GALNT18: variants seen among roughly 807,000 people sequenced by gnomAD.
The protein encoded by GALNT18 is polypeptide N-acetylgalactosaminyltransferase 18.
A neutral mutation model predicts 69.5 loss-of-function variants in GALNT18; 44 were observed. That is an observed-to-expected ratio of 0.63 (90% CI 0.50 to 0.81). The LOEUF (loss-of-function observed/expected upper bound fraction) is 0.81, where lower values mean the gene tolerates loss of function less well. Ranked by LOEUF, GALNT18 falls within the 40% of genes least tolerant of loss-of-function variation. GALNT18 has a pLI of 0.00. For missense variants in GALNT18, 715 were observed against 810.0 expected, an observed-to-expected ratio of 0.88 and a Z score of 1.42; for synonymous variants, 364 against 318.2, an observed-to-expected ratio of 1.14 and a Z score of -1.53.
chr11:11,453,512 C>G (rs1855851817), intron 1 of GALNT18, among the ~76,000 whole-genome samples: 1 of 152,158 alleles, frequency 6.6e-6, no homozygotes, highest in African/African-American at 2.4e-5. Flanking sequence ...AAACATCCAG[C>G]CCTCTCCCCA....
intron 9 of GALNT18, among the ~76,000 whole-genome samples, chr11:11,306,334 T>C (rs969359878): frequency 6.6e-6 from 1 of 152,074 alleles, no homozygotes; most frequent in Non-Finnish European, 1.5e-5. Flanking sequence ...CAGAAGGATG[T>C]AGGAAAGAAC....
At chr11:11,574,230 C>G (rs1195591311) in intron 1 of GALNT18, among the ~76,000 whole-genome samples, 1 of 151,986 alleles carries the variant, frequency 6.6e-6, no homozygotes, top group Admixed American at 6.5e-5. Context: ...TAGGTCAGAC[C>G]CAAAAAACTG....
At chr11:11,371,616 C>T (rs574182861) in intron 6 of GALNT18, among the ~76,000 whole-genome samples, 43 of 152,132 alleles carry the variant, frequency 2.8e-4, no homozygotes, top group African/African-American at 4.8e-4. Flanking sequence ...GGGTTCCCCA[C>T]GGAGAAGACA....
In GALNT18 at chr11:11,505,871, C is replaced by T. The variant is rs1259471305; in HGVS notation, c.236-56935G>A. ...GCCCAGGCCTTACTGATCTAATCTCCGAGTCAGAGAAGCCAGCCATCCATC... is the reference window on the plus strand; with the variant it reads ...GCCCAGGCCTTACTGATCTAATCTCTGAGTCAGAGAAGCCAGCCATCCATC... On this transcript the variant is annotated intron_variant, in intron 1 of 10. Coordinates refer to ENST00000227756, the MANE Select transcript of GALNT18 (RefSeq NM_198516.3). This position sits in a 1 kb window ranked among gnomAD's most constrained non-coding sequence, Gnocchi z 4.6. 1.3e-5 allele frequency among the ~76,000 whole-genome samples: 2 copies of T among 152,178 alleles called. No homozygotes were observed. The highest frequency in any genetic ancestry group is 1.9e-4 in the East Asian group (1 of 5,190).
At chr11:11,524,017 G>A (rs1236822868) in intron 1 of GALNT18, among the ~76,000 whole-genome samples, 2 of 143,838 alleles carry the variant, frequency 1.4e-5, no homozygotes, top group African/African-American at 4.9e-5. Flanking sequence ...TGGCACTTCA[G>A]CTAGTGCGAG....
At chr11:11,537,058 G>T (rs1216376791) in intron 1 of GALNT18, among the ~76,000 whole-genome samples, 1 of 152,208 alleles carries the variant, frequency 6.6e-6, no homozygotes, top group African/African-American at 2.4e-5. Context: ...TGAATATACT[G>T]CTCACTATGG....
rs933731693 is a variant in GALNT18, at chr11:11,432,192, C to T, written c.595+429G>A. Among the ~76,000 whole-genome samples, 38 of 152,316 alleles carry T rather than the reference C, an allele frequency of 2.5e-4. No homozygotes were observed. The highest frequency in any genetic ancestry group is 3.4e-3 in the Middle Eastern group (1 of 294). On this transcript the variant is annotated intron_variant, in intron 3 of 10. Transcript: ENST00000227756. The surrounding 1 kb of genome is among the most constrained non-coding windows in gnomAD (Gnocchi z 5.8). The stretch of plus-strand genomic sequence containing the variant: ...TCATCACCACCACTACAACCTCCAT[C>T]ACCACCAGCACCATCATCACCACTG...
intron 1 of GALNT18, among the ~76,000 whole-genome samples, chr11:11,502,019 G>A (rs1017404924): frequency 6.6e-6 from 1 of 152,230 alleles, no homozygotes; most frequent in African/African-American, 2.4e-5. Flanking sequence ...TCAGTTGGAA[G>A]AAGCCAAGAG....
intron 3 of GALNT18, among the ~76,000 whole-genome samples, chr11:11,410,086 A>G (rs972201975): frequency 7.2e-5 from 11 of 152,090 alleles, no homozygotes; most frequent in Admixed American, 2.0e-4. Flanking sequence ...TGGCCCTCCC[A>G]CAGGGGAGGA....
At chr11:11,493,255 C>T (rs1011355943) in intron 1 of GALNT18, among the ~76,000 whole-genome samples, 3 of 114,724 alleles carry the variant, frequency 2.6e-5, no homozygotes, top group Non-Finnish European at 5.2e-5. Context: ...AGTGAGACTC[C>T]ATCCTTCATC....
In GALNT18 at chr11:11,271,069, C is replaced by A; in HGVS notation, c.*75G>T. ...CTGGTTCCCCAGACTCCAAACAACC[C>A]CACGTGGACAGCAGGCAACGTTGCA... On this transcript the variant is annotated 3_prime_UTR_variant, in exon 11 of 11. Coordinates refer to ENST00000227756, the MANE Select transcript of GALNT18 (RefSeq NM_198516.3). The A allele has an allele frequency of 7.0e-7, 1 of 1,425,016 alleles. No homozygotes were observed. The allele number at this position is 1,425,016 out of a possible 1,614,324, so 88.3% of individuals were successfully genotyped here.
intron 9 of GALNT18, among the ~76,000 whole-genome samples, chr11:11,302,256 C>T (rs140694685): frequency 6.6e-6 from 1 of 152,300 alleles, no homozygotes; most frequent in African/African-American, 2.4e-5. Context: ...AGCCTGGAAG[C>T]AAGCTTGGCC....
At chr11:11,401,552 T>G (rs141651542) in intron 3 of GALNT18, among the ~76,000 whole-genome samples, 1 of 152,234 alleles carries the variant, frequency 6.6e-6, no homozygotes, top group Non-Finnish European at 1.5e-5. Context: ...TTTGACATCC[T>G]GAGCATACAC....
chr11:11,414,350 C>G (rs759422621), intron 3 of GALNT18, among the ~76,000 whole-genome samples: 2 of 152,178 alleles, frequency 1.3e-5, no homozygotes, highest in Non-Finnish European at 2.9e-5. Context: ...ATGACAAGGC[C>G]ACTGCCTAAT....
intron 9 of GALNT18, among the ~76,000 whole-genome samples, chr11:11,295,590 C>A (rs1280119583): frequency 6.6e-6 from 1 of 152,092 alleles, no homozygotes; most frequent in African/African-American, 2.4e-5. Context: ...AACTGGAAAC[C>A]AGAGATTTCC....
At chr11:11,560,041 GGGA>G (rs1858440189) in intron 1 of GALNT18, among the ~76,000 whole-genome samples, 1 of 150,394 alleles carries the variant, frequency 6.6e-6, no homozygotes, top group Non-Finnish European at 1.5e-5. Flanking sequence ...AGGATAGGAT[GGGA>G]TGGGATGGGA....
rs60798893 is a variant in GALNT18, at chr11:11,461,107, A to G, written c.236-12171T>C. 5.0e-3 allele frequency among the ~76,000 whole-genome samples: 765 copies of G among 152,286 alleles called. 7 individuals are homozygous for G. The highest frequency in any genetic ancestry group is 0.018 in the African/African-American group (730 of 41,564). ...GACATGGCAGACAAAGGACAGGAAG[A>G]CATCTGACTCTGCAAGCTTAGTCCA... On this transcript the variant is annotated intron_variant, in intron 1 of 10. Coordinates refer to ENST00000227756, the MANE Select transcript of GALNT18 (RefSeq NM_198516.3). This position sits in a 1 kb window ranked among gnomAD's most constrained non-coding sequence, Gnocchi z 4.1.
rs1849719537 is a variant in GALNT18 at position 11,314,529 on chromosome 11, A to G, written c.1512+12557T>C. On this transcript the variant is annotated intron_variant, in intron 9 of 10. Transcript: ENST00000227756. This position sits in a 1 kb window ranked among gnomAD's most constrained non-coding sequence, Gnocchi z 5.2. ...CTGTCTGCCTGCTCCCCTGACCCTG[A>G]GCTGATGTGTCCAGGCAGGAGATGG... Among the ~76,000 whole-genome samples, 1 of 152,070 alleles carries G rather than the reference A, an allele frequency of 6.6e-6. No individual in the cohort carries two copies. The highest frequency in any genetic ancestry group is 1.5e-5 in the Non-Finnish European group (1 of 68,004).
chr11:11,333,560 T>C (rs1291647656), intron 7 of GALNT18, among the ~76,000 whole-genome samples: 1 of 152,170 alleles, frequency 6.6e-6, no homozygotes, highest in African/African-American at 2.4e-5. Flanking sequence ...GCTTTTAACG[T>C]TACTCTACGT....
Sources: allele counts gnomAD v4.1 joint callset (sites outside exome capture counted in the v4.1 genomes callset), GRCh38; gene constraint gnomAD v4.1.1; non-coding constraint Gnocchi (gnomAD v3.1); transcripts MANE v1.5; gene names NCBI Gene and HGNC (gene_info 2026-07-23, HGNC 2026-07-21).